The following PDE7B variants were observed in gnomAD, a reference collection of about 807,000 sequenced individuals.
The protein encoded by PDE7B is phosphodiesterase 7B.
Under a neutral mutation model 56.2 loss-of-function variants are expected in PDE7B, and 29 were observed. The observed-to-expected ratio is 0.52, with a 90% confidence interval of 0.38 to 0.70. The LOEUF (loss-of-function observed/expected upper bound fraction) is 0.70, where lower values mean the gene tolerates loss of function less well. PDE7B is among the 30% of genes least tolerant of loss of function. The pLI is 0.00. For missense variants in PDE7B, 490 were observed against 565.0 expected, an observed-to-expected ratio of 0.87 and a Z score of 1.35; for synonymous variants, 197 against 196.9, an observed-to-expected ratio of 1.00 and a Z score of 0.00.
chr6:135,983,100 A>G (rs1289260777), intron 2 of PDE7B, among the ~76,000 whole-genome samples: 1 of 152,220 alleles, frequency 6.6e-6, no homozygotes, highest in Non-Finnish European at 1.5e-5. Context: ...AAAATGCCAT[A>G]TGGCTAAAGA....
intron 2 of PDE7B, among the ~76,000 whole-genome samples, chr6:136,004,120 G>C (rs550931830): frequency 2.6e-5 from 4 of 152,098 alleles, no homozygotes; most frequent in African/African-American, 9.7e-5. Context: ...TATCTCAATA[G>C]ATGCAGAAAA....
intron 8 of PDE7B, among the ~76,000 whole-genome samples, chr6:136,162,845 T>TA (rs1160230042): frequency 6.6e-6 from 1 of 152,192 alleles, no homozygotes; most frequent in Non-Finnish European, 1.5e-5. Context: ...GGGCAGTCAT[T>TA]AAACCTTCAA....
Position 135,858,560 on chromosome 6 carries a change from A to G in PDE7B, c.21+6541A>G, listed in dbSNP as rs537135992. ...GCTAGGGAGCAGAGAATTCCCTGGA[A>G]GTAAGAATCCTGGAAGCCAGGAGAT... On this transcript the variant is annotated intron_variant, in intron 1 of 12. Coordinates refer to ENST00000308191, the MANE Select transcript of PDE7B (RefSeq NM_018945.4). Among the ~76,000 whole-genome samples, 263 of 152,276 alleles carry G rather than the reference A, an allele frequency of 1.7e-3. 3 individuals carry two copies. The highest frequency in any genetic ancestry group is 0.015 in the Admixed American group (231 of 15,288).
chr6:135,950,119 G>A (rs73558728), intron 2 of PDE7B, among the ~76,000 whole-genome samples: 2,037 of 152,172 alleles, frequency 0.013, 48 homozygotes, highest in African/African-American at 0.047. Context: ...ACAGCAAAAT[G>A]ATCCTAGATG....
intron 2 of PDE7B, among the ~76,000 whole-genome samples, chr6:136,089,934 A>C (rs1473317328): frequency 6.6e-6 from 1 of 152,124 alleles, no homozygotes; most frequent in Non-Finnish European, 1.5e-5. Flanking sequence ...ATTCTGCCCC[A>C]CCACAGGAAT....
chr6:136,116,654 T>C (rs937781158), intron 3 of PDE7B, among the ~76,000 whole-genome samples: 1 of 152,194 alleles, frequency 6.6e-6, no homozygotes, highest in Non-Finnish European at 1.5e-5. Flanking sequence ...GGAAAGATGG[T>C]AAGCTCCACT....
At chr6:136,115,609 CT>C (rs1256885844) in intron 3 of PDE7B, among the ~76,000 whole-genome samples, 2 of 152,214 alleles carry the variant, frequency 1.3e-5, no homozygotes, top group African/African-American at 4.8e-5. Context: ...CCATTGCCTT[CT>C]GTTAACCTGT....
At chr6:136,114,916 TG>T (rs2128442708) in intron 3 of PDE7B, 1 of 152,364 alleles carries the variant, frequency 6.6e-6, no homozygotes, top group East Asian at 1.9e-4. Flanking sequence ...GGCTTCTGGC[TG>T]CAAGCTCCCA....
intron 1 of PDE7B, among the ~76,000 whole-genome samples, chr6:135,873,793 A>T (rs1440693644): frequency 1.3e-5 from 2 of 152,148 alleles, no homozygotes; most frequent in Admixed American, 1.3e-4. Flanking sequence ...TTTAATTGCA[A>T]ATATTTCAAA....
At chr6:136,166,843 G>T (rs1313125009) in intron 8 of PDE7B, among the ~76,000 whole-genome samples, 1 of 152,116 alleles carries the variant, frequency 6.6e-6, no homozygotes, top group Non-Finnish European at 1.5e-5. Flanking sequence ...TTATTTCAAT[G>T]TAAGTCATAA....
intron 2 of PDE7B, among the ~76,000 whole-genome samples, chr6:136,094,490 C>T (rs868176055): frequency 6.6e-6 from 1 of 152,138 alleles, no homozygotes; most frequent in African/African-American, 2.4e-5. Flanking sequence ...GCTTCTCCCA[C>T]ATTTCATTCA....
intron 1 of PDE7B, among the ~76,000 whole-genome samples, chr6:135,932,093 T>C (rs1259889348): frequency 6.6e-6 from 1 of 151,926 alleles, no homozygotes; most frequent in African/African-American, 2.4e-5. Context: ...GAAAAAAATG[T>C]AAAGTAGAAA....
In PDE7B at chr6:135,932,041, C is replaced by G. The variant is rs116471992; in HGVS notation, c.22-15423C>G. 6.1e-3 allele frequency among the ~76,000 whole-genome samples: 918 copies of G among 151,574 alleles called. 12 individuals carry two copies. Among genetic ancestry groups the G allele is most frequent in the African/African-American group, 0.021 (870 of 41,270 alleles). On this transcript the variant is annotated intron_variant, in intron 1 of 12. Transcript: ENST00000308191. ...AATATATTAATATAAATAAAGTAGA[C>G]CTGGATTCAGGCCCTAAGGACCTCG...
chr6:136,123,033 C>A (rs1452169968), intron 3 of PDE7B, among the ~76,000 whole-genome samples: 2 of 152,162 alleles, frequency 1.3e-5, no homozygotes, highest in Non-Finnish European at 2.9e-5. Context: ...TTAGCTCTTA[C>A]AGTGGAAAGT....
chr6:135,933,949 G>A (rs1774343282), intron 1 of PDE7B, among the ~76,000 whole-genome samples: 1 of 152,074 alleles, frequency 6.6e-6, no homozygotes, highest in Non-Finnish European at 1.5e-5. Flanking sequence ...ATAATTTAAA[G>A]GCAACCCAAT....
chr6:135,858,461 GT>G (rs1421113681), intron 1 of PDE7B, among the ~76,000 whole-genome samples: 1 of 152,082 alleles, frequency 6.6e-6, no homozygotes, highest in East Asian at 1.9e-4. Context: ...CCTGAGTTCT[GT>G]TTTGCTTTAA....
chr6:136,013,730 C>G (rs976677818), intron 2 of PDE7B, among the ~76,000 whole-genome samples: 1 of 152,118 alleles, frequency 6.6e-6, no homozygotes, highest in African/African-American at 2.4e-5. Flanking sequence ...GAGAAGAACT[C>G]GAAGCAATCC....
rs1186246227 is a variant in PDE7B, at chr6:136,194,832, A to T, written c.*2992A>T. The T allele has an allele frequency of 6.6e-6, 1 of 152,310 alleles. No individual in the cohort carries two copies. Among genetic ancestry groups the T allele is most frequent in the Non-Finnish European group, 1.5e-5 (1 of 68,128 alleles). 9.4% of individuals were successfully genotyped at this position (152,310 alleles called of 1,614,324 possible). A position where few individuals can be genotyped will look rare whatever the true frequency, so the allele number is the denominator to read the frequency against. ...CTTGAACCTGGGAGGTGGAAGTTGTAGTGAACTGAGATCGCACCACTGCAC... is the reference window on the plus strand; with the variant it reads ...CTTGAACCTGGGAGGTGGAAGTTGTTGTGAACTGAGATCGCACCACTGCAC... On this transcript the variant is annotated 3_prime_UTR_variant, in exon 13 of 13. Transcript: ENST00000308191.
chr6:136,151,167 C>G lies in PDE7B; in HGVS notation c.390C>G (p.Ser130Arg). Residue 130 changes from serine to arginine, a missense_variant, in exon 6 of 13, where the codon AGC becomes AGG. Ser to Arg is a moderately radical substitution (Grantham distance 110). Transcript: ENST00000308191. ...GTGACTGTTTTCCTGCAGGAAACAG[C>G]CTGGTAACACTGTTGTGCCACCTCT... ...FLFDRLTNGN[S>R]LVTLLCHLFN... is the part of the protein sequence containing the mutation. 6.3e-7 allele frequency: 1 copy of G among 1,593,408 alleles called. No individual in the cohort carries two copies. Among genetic ancestry groups the G allele is most frequent in the South Asian group, 1.1e-5 (1 of 90,406 alleles).
Sources: gnomAD v4.1 joint callset for allele counts (sites outside exome capture counted in the v4.1 genomes callset) on GRCh38, gnomAD v4.1.1 for gene constraint, MANE v1.5 for transcripts, NCBI Gene and HGNC (gene_info 2026-07-23, HGNC 2026-07-21) for gene names.